The following TIA1 variants were observed in gnomAD, a reference collection of about 807,000 sequenced individuals.
The protein encoded by TIA1 is cytotoxic granule associated RNA binding protein TIA1.
A neutral mutation model predicts 65.9 loss-of-function variants in TIA1; 23 were observed. That is an observed-to-expected ratio of 0.35 (90% confidence interval 0.25 to 0.49). The LOEUF is 0.49. TIA1 is among the 20% of genes least tolerant of loss of function. The pLI, the probability that TIA1 is intolerant of heterozygous loss-of-function variation, is 0.98. For missense variants in TIA1, 371 were observed against 477.9 expected, an observed-to-expected ratio of 0.78 and a Z score of 2.09; for synonymous variants, 147 against 149.4, an observed-to-expected ratio of 0.98 and a Z score of 0.12.
intron 2 of TIA1, among the ~76,000 whole-genome samples, chr2:70,231,455 A>G (rs1479779433): frequency 3.9e-5 from 6 of 152,274 alleles, no homozygotes; most frequent in Admixed American, 2.6e-4. Context: ...AAGTAAAAAA[A>G]AAAAAGCAAA....
rs778952843 is a variant in TIA1 at position 70,248,524 on chromosome 2, G to A, written c.-94C>T. ...AGCGGTTATGGCTACAGGATAGTGG[G>A]GTTTCTCGGCTGACCAGAGGTTACT... On this transcript the variant is annotated 5_prime_UTR_variant, in exon 1 of 13. Coordinates refer to ENST00000433529, the MANE Select transcript of TIA1 (RefSeq NM_022173.4). The A allele has an allele frequency of 6.2e-5, 98 of 1,579,622 alleles. No individual in the cohort carries two copies. Among genetic ancestry groups the A allele is most frequent in the Non-Finnish European group, 7.4e-5 (86 of 1,164,874 alleles).
At chr2:70,229,113 G>A in intron 4 of TIA1, 22 bp from the exon 5 acceptor site, 1 of 1,613,562 alleles carries the variant, frequency 6.2e-7, no homozygotes, top group Non-Finnish European at 8.5e-7. Flanking sequence ...GATTAGATTT[G>A]TTCTTAAATT....
chr2:70,212,662 G>C lies in TIA1; in HGVS notation c.*57C>G, dbSNP rs1439074176. 3 of 1,034,228 alleles carry C rather than the reference G, an allele frequency of 2.9e-6. No homozygotes were observed. Among genetic ancestry groups the C allele is most frequent in the African/African-American group, 3.1e-5 (2 of 63,742 alleles). The allele number at this position is 1,034,228 out of a possible 1,614,324, so 64.1% of individuals were successfully genotyped here. A position where few individuals can be genotyped will look rare whatever the true frequency, so the allele number is the denominator to read the frequency against. On this transcript the variant is annotated 3_prime_UTR_variant, in exon 13 of 13. Coordinates refer to ENST00000433529, the MANE Select transcript of TIA1 (RefSeq NM_022173.4). Reference sequence around the variant, plus strand: ...TTGATAAATCTTTAAGTAAACAACGGCTTTACTACACTCCCTGTAGCCTCA... The same window carrying C: ...TTGATAAATCTTTAAGTAAACAACGCCTTTACTACACTCCCTGTAGCCTCA...
At chr2:70,238,829 T>C (rs528027866) in intron 1 of TIA1, among the ~76,000 whole-genome samples, 2 of 152,162 alleles carry the variant, frequency 1.3e-5, no homozygotes, top group Admixed American at 6.5e-5. Flanking sequence ...GGTGGAAAGA[T>C]CACTTTAGCC....
Position 70,213,935 on chromosome 2 carries a change from A to G in TIA1, c.1034+414T>C, listed in dbSNP as rs1013569248. Among the ~76,000 whole-genome samples the G allele has an allele frequency of 2.0e-5, 3 of 152,318 alleles. No individual in the cohort carries two copies. The Middle Eastern group carries it at 0.01, about 518-fold the overall frequency. On this transcript the variant is annotated intron_variant, in intron 12 of 12. Coordinates refer to ENST00000433529, the MANE Select transcript of TIA1 (RefSeq NM_022173.4). ...CCAAAATGCTGGGATTACAGGCAGG[A>G]ACTACCACGCCCAGCCCACTAAATT...
chr2:70,235,913 C>A (rs533539595), intron 2 of TIA1, among the ~76,000 whole-genome samples, 166 bp downstream of exon 2: 1 of 152,016 alleles, frequency 6.6e-6, no homozygotes, highest in East Asian at 1.9e-4. Context: ...CACTAAAATC[C>A]CTATTAACTT....
rs1003054026 is a variant in TIA1, at chr2:70,211,361, T to C, written c.*1358A>G. On this transcript the variant is annotated 3_prime_UTR_variant, in exon 13 of 13. Transcript: ENST00000433529. ...AAAACAGGTACCAAACGAATCAAAA[T>C]AATGATTGCACTGAGGATTCTCTTA... 3 of 151,986 alleles carry C rather than the reference T, an allele frequency of 2.0e-5. No homozygotes were observed. The highest frequency in any genetic ancestry group is 2.1e-4 in the South Asian group (1 of 4,828). 9.4% of individuals were successfully genotyped at this position (151,986 alleles called of 1,614,324 possible).
At chr2:70,248,006 C>T (rs966151809) in intron 1 of TIA1, among the ~76,000 whole-genome samples, 1 of 150,074 alleles carries the variant, frequency 6.7e-6, no homozygotes, top group African/African-American at 2.5e-5. Context: ...TAAAGGGAGA[C>T]GGCTGTAAAG....
At chr2:70,231,932 G>C (rs1464150178) in intron 2 of TIA1, among the ~76,000 whole-genome samples, 1 of 152,122 alleles carries the variant, frequency 6.6e-6, no homozygotes. Flanking sequence ...GCCAGGCGCA[G>C]TGGCTCATGC....
chr2:70,224,521 A>T, intron 7 of TIA1, 33 bp downstream of exon 7: 1 of 1,613,552 alleles, frequency 6.2e-7, no homozygotes, highest in Non-Finnish European at 8.5e-7. Context: ...TTTACTCTTT[A>T]AGCATTATCC....
At chr2:70,228,574 A>G in intron 5 of TIA1, 1 of 1,108,344 alleles carries the variant, frequency 9.0e-7, no homozygotes, top group South Asian at 2.1e-5. Flanking sequence ...AAAGACAATT[A>G]TCAAAAAAAG....
chr2:70,220,111 C>T (rs1458917302), intron 7 of TIA1, among the ~76,000 whole-genome samples: 2 of 151,970 alleles, frequency 1.3e-5, no homozygotes, highest in Admixed American at 1.3e-4. Context: ...CTCAAGTCCT[C>T]ATAAGAAGTA....
upstream of TIA1, chr2:70,248,689 T>A (rs1243489005): frequency 1.8e-6 from 1 of 564,856 alleles, no homozygotes; most frequent in Non-Finnish European, 3.2e-6. Context: ...CAGAATAATC[T>A]TGCACTCTCA....
intron 3 of TIA1, among the ~76,000 whole-genome samples, chr2:70,230,338 T>C (rs1685664816): frequency 6.6e-6 from 1 of 152,002 alleles, no homozygotes; most frequent in Non-Finnish European, 1.5e-5. Flanking sequence ...TGTCAATAAC[T>C]GACCTTTTGC....
chr2:70,228,891 A>G, intron 5 of TIA1, 168 bp downstream of exon 5: 24 of 1,459,022 alleles, frequency 1.6e-5, no homozygotes, highest in Non-Finnish European at 2.2e-5. Context: ...GTAGCGGACA[A>G]GTTATACTTG....
chr2:70,230,659 A>G, intron 3 of TIA1, 97 bp downstream of exon 3: 1 of 1,036,742 alleles, frequency 9.6e-7, no homozygotes, highest in Non-Finnish European at 1.4e-6. Flanking sequence ...TCTCAAAAAA[A>G]AAAAAAAAGT....
At chr2:70,246,805 A>C (rs56685146) in intron 1 of TIA1, among the ~76,000 whole-genome samples, 1 of 151,958 alleles carries the variant, frequency 6.6e-6, no homozygotes, top group Non-Finnish European at 1.5e-5. Context: ...AGAATCATTT[A>C]AACCCAGGAG....
intron 7 of TIA1, among the ~76,000 whole-genome samples, chr2:70,218,813 T>C (rs1679900604): frequency 6.6e-6 from 1 of 152,220 alleles, no homozygotes; most frequent in Non-Finnish European, 1.5e-5. Flanking sequence ...ATGAAACTTG[T>C]GCAATATTCT....
rs1415213395 is a variant in TIA1, at chr2:70,248,385, C to T, written c.26+20G>A. 5 of 1,598,364 alleles carry T rather than the reference C, an allele frequency of 3.1e-6. No homozygotes were observed. In the South Asian group the frequency reaches 4.4e-5, roughly 14 times the overall value. ...GGGACGACCACCATCCCGCCTCCCT[C>T]ATCGCTGCCCCAGACTCACAGAGTC... On this transcript the variant is annotated intron_variant, in intron 1 of 12. Transcript: ENST00000433529.
Sources: allele counts gnomAD v4.1 joint callset (sites outside exome capture counted in the v4.1 genomes callset), GRCh38; gene constraint gnomAD v4.1.1; transcripts MANE v1.5; gene names NCBI Gene and HGNC (gene_info 2026-07-23, HGNC 2026-07-21).